The following PTPRD variants were observed in gnomAD, a reference collection of about 807,000 sequenced individuals.
PTPRD encodes protein tyrosine phosphatase receptor type D.
Under a neutral mutation model 214.5 loss-of-function variants are expected in PTPRD, and 34 were observed. That is an observed-to-expected ratio of 0.16 (90% CI 0.12 to 0.21). PTPRD has a LOEUF of 0.21. Among genes scored for constraint, PTPRD ranks in the 10% least tolerant of loss-of-function variants. The pLI, the probability that PTPRD is intolerant of heterozygous loss-of-function variation, is 1.00. For missense variants in PTPRD, 2,545 were observed against 2,398.7 expected, an observed-to-expected ratio of 1.06 and a Z score of -1.27; for synonymous variants, 1,128 against 845.7, an observed-to-expected ratio of 1.33 and a Z score of -5.79.
chr9:9,961,478 G>T (rs975461131), intron 4 of PTPRD, among the ~76,000 whole-genome samples: 2 of 152,142 alleles, frequency 1.3e-5, no homozygotes, highest in African/African-American at 4.8e-5. Context: ...TGCCCACAAG[G>T]TTGAAAGTTC....
At chr9:9,652,033 G>A (rs1192722112) in intron 7 of PTPRD, among the ~76,000 whole-genome samples, 1 of 151,558 alleles carries the variant, frequency 6.6e-6, no homozygotes, top group Non-Finnish European at 1.5e-5. Context: ...AGTAGAGACA[G>A]GGTTTCACCA....
At chr9:8,570,200 T>C (rs2090685343) in intron 14 of PTPRD, among the ~76,000 whole-genome samples, 1 of 152,108 alleles carries the variant, frequency 6.6e-6, no homozygotes, top group Non-Finnish European at 1.5e-5. Context: ...GATTTTTATA[T>C]GTAAATTGAG....
At position 10,465,723 on chromosome 9, in the gene PTPRD, C is replaced by A. The variant is rs538575524; in HGVS notation, c.-599-124706G>T. On this transcript the variant is annotated intron_variant, in intron 2 of 45. Transcript: ENST00000381196. ...TGTACAGGCTTGTAGCCTAGAAGAA[C>A]CAGGCTATGCCATATAGCCTAGGTG... Among the ~76,000 whole-genome samples, 5 of 152,266 alleles carry A rather than the reference C, an allele frequency of 3.3e-5. No individual in the cohort carries two copies. In the South Asian group the frequency reaches 1.0e-3, roughly 32 times the overall value.
intron 2 of PTPRD, among the ~76,000 whole-genome samples, chr9:10,588,731 C>T (rs2074611102): frequency 1.3e-5 from 2 of 151,916 alleles, no homozygotes; most frequent in Admixed American, 6.6e-5. Context: ...CTGGAAGACA[C>T]TTAAAAGGCG....
chr9:10,591,415 GT>G (rs1331917125), intron 2 of PTPRD, among the ~76,000 whole-genome samples: 1 of 152,030 alleles, frequency 6.6e-6, no homozygotes, highest in Non-Finnish European at 1.5e-5. Context: ...ATTTTGTCTT[GT>G]TTTGCTTTGA....
At chr9:8,330,043 A>C (rs1204681202) in intron 44 of PTPRD, among the ~76,000 whole-genome samples, 2 of 152,146 alleles carry the variant, frequency 1.3e-5, no homozygotes, top group African/African-American at 4.8e-5. Flanking sequence ...CCAGTTGTGA[A>C]GACTGCGGGA....
At chr9:10,239,704 GA>G (rs61297013) in intron 3 of PTPRD, among the ~76,000 whole-genome samples, 72 of 151,376 alleles carry the variant, frequency 4.8e-4, no homozygotes, top group Middle Eastern at 3.4e-3. Context: ...ACTGAATCCA[GA>G]AAAAAATGAC....
In PTPRD at chr9:9,957,006, T is replaced by C. The variant is rs551054483; in HGVS notation, c.-471-18396A>G. On this transcript the variant is annotated intron_variant, in intron 4 of 45. Coordinates refer to ENST00000381196, the MANE Select transcript of PTPRD (RefSeq NM_002839.4). ...GGTCAGAACCTAACAAGAGAAACTA[T>C]TGGGCTCAAGTTAAGTTGAAATTTG... 3.7e-4 allele frequency among the ~76,000 whole-genome samples: 57 copies of C among 152,274 alleles called. No individual in the cohort carries two copies. The South Asian group carries it at 8.9e-3, about 24-fold the overall frequency.
chr9:9,569,976 A>G (rs2085847339), intron 8 of PTPRD, among the ~76,000 whole-genome samples: 1 of 151,540 alleles, frequency 6.6e-6, no homozygotes, highest in African/African-American at 2.4e-5. Context: ...TTTTTCAGAA[A>G]TATCAGTTGA....
intron 7 of PTPRD, among the ~76,000 whole-genome samples, chr9:9,730,998 A>T (rs1302377536): frequency 1.3e-5 from 2 of 152,152 alleles, no homozygotes; most frequent in Non-Finnish European, 2.9e-5. Flanking sequence ...AATTGGAACA[A>T]ATTGCCAGAA....
rs1487114318 is a variant in PTPRD at position 9,947,581 on chromosome 9, AT to A, written c.-471-8972del. Among the ~76,000 whole-genome samples the A allele has an allele frequency of 9.3e-3, 466 of 50,190 alleles. 7 individuals carry two copies. The highest frequency in any genetic ancestry group is 0.012 in the Non-Finnish European group (382 of 32,616). 32.9% of individuals were successfully genotyped at this position (50,190 alleles called of 152,430 possible). A position where few individuals can be genotyped will look rare whatever the true frequency, so the allele number is the denominator to read the frequency against. The stretch of plus-strand genomic sequence containing the variant: ...TATATATTTTATATATATATTATAT[AT>A]ATATTATATATATAATATATATATT... On this transcript the variant is annotated intron_variant, in intron 4 of 45. Transcript: ENST00000381196.
At chr9:10,250,086 T>C (rs998279036) in intron 3 of PTPRD, among the ~76,000 whole-genome samples, 1 of 152,164 alleles carries the variant, frequency 6.6e-6, no homozygotes, top group African/African-American at 2.4e-5. Context: ...ACTTTTCATA[T>C]TCTATTTAAA....
chr9:8,713,763 G>T, intron 12 of PTPRD: 3 of 1,533,406 alleles, frequency 2.0e-6, no homozygotes, highest in Non-Finnish European at 2.7e-6. Flanking sequence ...GCAAGATCAA[G>T]TTCCCGCTGC....
intron 7 of PTPRD, among the ~76,000 whole-genome samples, chr9:9,599,415 A>G (rs1024556171): frequency 5.9e-5 from 9 of 152,158 alleles, no homozygotes; most frequent in Non-Finnish European, 1.2e-4. Context: ...GGAAGCCTCA[A>G]GCACTCAAGC....
intron 21 of PTPRD, among the ~76,000 whole-genome samples, chr9:8,516,798 C>CTTTTTTTTTTTTTTTTTTTTTTTTT (rs71500960): frequency 1.9e-5 from 2 of 107,890 alleles, no homozygotes; most frequent in South Asian, 3.3e-4. Flanking sequence ...CAAGAATAAA[C>CTTTTTTTTTTTTTTTTTTTTTTTTT]TTTTTTTTTT....
At chr9:9,170,305 A>C (rs2099911940) in intron 10 of PTPRD, among the ~76,000 whole-genome samples, 2 of 152,178 alleles carry the variant, frequency 1.3e-5, no homozygotes, top group Admixed American at 1.3e-4. Context: ...GTGATGGGTA[A>C]GGTTCTTTGT....
intron 11 of PTPRD, among the ~76,000 whole-genome samples, chr9:8,891,945 T>C (rs186991528): frequency 6.6e-6 from 1 of 152,190 alleles, no homozygotes; most frequent in African/African-American, 2.4e-5. Context: ...GGGCTAAAAA[T>C]CCTTGTGATT....
At chr9:10,189,377 A>G (rs2099352511) in intron 3 of PTPRD, among the ~76,000 whole-genome samples, 1 of 152,164 alleles carries the variant, frequency 6.6e-6, no homozygotes, top group African/African-American at 2.4e-5. Flanking sequence ...GCTAGCCCAG[A>G]ATTCCTTACA....
At chr9:9,956,510 AGAAACC>A (rs1265744722) in intron 4 of PTPRD, among the ~76,000 whole-genome samples, 2 of 152,162 alleles carry the variant, frequency 1.3e-5, no homozygotes, top group African/African-American at 2.4e-5. Context: ...TCAAGTGGAG[AGAAACC>A]CATAATATTA....
Sources: allele counts gnomAD v4.1 joint callset (sites outside exome capture counted in the v4.1 genomes callset), GRCh38; gene constraint gnomAD v4.1.1; transcripts MANE v1.5; gene names NCBI Gene and HGNC (gene_info 2026-07-23, HGNC 2026-07-21).